The following SNX29 variants were observed in gnomAD, a reference collection of about 807,000 sequenced individuals.
SNX29 encodes sorting nexin-29.
In SNX29, 78 loss-of-function variants were observed where a neutral mutation model predicts 102.1. The observed-to-expected ratio is 0.76, with a 90% CI of 0.64 to 0.92. SNX29 has a LOEUF of 0.92. Among genes scored for constraint, SNX29 ranks in the 40% least tolerant of loss-of-function variants. The pLI, the probability that SNX29 is intolerant of heterozygous loss-of-function variation, is 0.00. For synonymous variants in SNX29, 580 were observed against 414.5 expected (o/e 1.40, Z -4.85); for missense variants, 1,280 against 1,061.7 (o/e 1.21, Z -2.86).
chr16:12,121,116 G>C (rs557748188), intron 11 of SNX29, among the ~76,000 whole-genome samples: 1 of 152,184 alleles, frequency 6.6e-6, no homozygotes, highest in Admixed American at 6.5e-5. Context: ...CAGGTCTCAC[G>C]TGTGTTCTGT....
chr16:12,143,343 T>G (rs2054933818), intron 13 of SNX29, among the ~76,000 whole-genome samples: 2 of 152,150 alleles, frequency 1.3e-5, no homozygotes, highest in African/African-American at 4.8e-5. Context: ...CTCCAGGAGT[T>G]CCATTTTCGT....
At chr16:12,021,848 G>A (rs887862293) in intron 3 of SNX29, among the ~76,000 whole-genome samples, 6 of 151,334 alleles carry the variant, frequency 4.0e-5, no homozygotes, top group East Asian at 1.9e-4. Flanking sequence ...CCGAGATCAC[G>A]TCACTGCACT....
intron 18 of SNX29, among the ~76,000 whole-genome samples, chr16:12,449,838 G>A (rs2086225574): frequency 1.3e-5 from 2 of 152,190 alleles, no homozygotes; most frequent in African/African-American, 4.8e-5. Context: ...GACAGGGGCA[G>A]ACAACAGCTG....
Position 12,571,924 on chromosome 16 carries a change from G to A in SNX29, c.*3295G>A, listed in dbSNP as rs961895166. 21 of 1,062,044 alleles carry A rather than the reference G, an allele frequency of 2.0e-5. No homozygotes were observed. The highest frequency in any genetic ancestry group is 2.4e-5 in the Non-Finnish European group (21 of 877,292). 65.8% of individuals were successfully genotyped at this position (1,062,044 alleles called of 1,614,324 possible). A position where few individuals can be genotyped will look rare whatever the true frequency, so the allele number is the denominator to read the frequency against. On this transcript the variant is annotated 3_prime_UTR_variant, in exon 21 of 21. Transcript: ENST00000566228. ...TGCATTTCTCTACTGGCAGGCCCTG[G>A]TGAAGGAAGACACTTTCAGGGAAGA... is the stretch of plus-strand genomic sequence containing the variant.
intron 13 of SNX29, among the ~76,000 whole-genome samples, chr16:12,191,843 G>A (rs188856213): frequency 6.6e-6 from 1 of 152,200 alleles, no homozygotes; most frequent in East Asian, 1.9e-4. Context: ...CTATTCTGGG[G>A]GAGTCCTCAT....
chr16:12,375,236 G>T (rs1158195129), intron 16 of SNX29: 7 of 152,184 alleles, frequency 4.6e-5, no homozygotes, highest in Admixed American at 3.9e-4. Flanking sequence ...CATTGGGAAT[G>T]ATTTGACATT....
At chr16:12,380,549 A>C (rs1597155199) in intron 16 of SNX29, among the ~76,000 whole-genome samples, 1 of 81,290 alleles carries the variant, frequency 1.2e-5, no homozygotes, top group Non-Finnish European at 2.4e-5. Flanking sequence ...ACCACCCACC[A>C]TCCATCCATC....
chr16:12,210,279 C>T (rs1052550377), intron 14 of SNX29, among the ~76,000 whole-genome samples: 1 of 150,532 alleles, frequency 6.6e-6, no homozygotes, highest in African/African-American at 2.4e-5. Context: ...GAGGCTGGGG[C>T]TGGGGCTCCT....
intron 13 of SNX29, among the ~76,000 whole-genome samples, chr16:12,178,343 TAGC>T (rs2076307380): frequency 6.6e-6 from 1 of 152,118 alleles, no homozygotes; most frequent in Non-Finnish European, 1.5e-5. Flanking sequence ...TGTAAACTGT[TAGC>T]AGCCAGAAGA....
At chr16:12,463,467 A>G (rs896677642) in intron 18 of SNX29, among the ~76,000 whole-genome samples, 12 of 152,186 alleles carry the variant, frequency 7.9e-5, no homozygotes, top group African/African-American at 2.2e-4. Context: ...CAGGCAAAGA[A>G]AGCTTGTGCA....
At chr16:12,020,312 A>G (rs532576206) in intron 3 of SNX29, among the ~76,000 whole-genome samples, 56 of 151,886 alleles carry the variant, frequency 3.7e-4, no homozygotes, top group Admixed American at 2.2e-3. Context: ...TTTTGTAGAG[A>G]TAGGGTTTCA....
At chr16:12,262,844 A>G (rs527337609) in intron 14 of SNX29, among the ~76,000 whole-genome samples, 7 of 152,352 alleles carry the variant, frequency 4.6e-5, no homozygotes, top group Non-Finnish European at 7.3e-5. Flanking sequence ...TTGTGCAACC[A>G]TCACCACTGT....
At chr16:12,537,132 G>C (rs535420154) in intron 20 of SNX29, among the ~76,000 whole-genome samples, 2 of 152,294 alleles carry the variant, frequency 1.3e-5, no homozygotes, top group East Asian at 1.9e-4. Flanking sequence ...TGGTGAAATG[G>C]ATCTCAGAGG....
chr16:12,100,363 G>GT lies in SNX29; in HGVS notation c.1402+21449dup, dbSNP rs1248276994. On this transcript the variant is annotated intron_variant, in intron 11 of 20. Transcript: ENST00000566228. ...CCACCACCAGTTGTGACAGGCAAGT[G>GT]TCTGTGGACAGTGCCCAGCGTCCTC... Among the ~76,000 whole-genome samples the GT allele has an allele frequency of 4.6e-5, 7 of 152,180 alleles. 1 individual carries two copies. In the East Asian group the frequency reaches 9.6e-4, roughly 21 times the overall value.
At chr16:12,552,210 C>A (rs757221638) in intron 20 of SNX29, among the ~76,000 whole-genome samples, 2 of 152,162 alleles carry the variant, frequency 1.3e-5, no homozygotes, top group East Asian at 1.9e-4. Context: ...AGGGGAGGGC[C>A]GTGGAGTCAG....
intron 16 of SNX29, among the ~76,000 whole-genome samples, chr16:12,391,554 C>T (rs1302896859): frequency 6.6e-6 from 1 of 152,188 alleles, no homozygotes; most frequent in African/African-American, 2.4e-5. Context: ...ATACCTACCA[C>T]TTAGAGTCTA....
At chr16:12,483,136 T>TTTTTTG (rs2088045781) in intron 19 of SNX29, among the ~76,000 whole-genome samples, 1 of 124,972 alleles carries the variant, frequency 8.0e-6, no homozygotes, top group Non-Finnish European at 1.6e-5. Context: ...TTTTTTTTTT[T>TTTTTTG]TTTTTTTGGA....
intron 20 of SNX29, among the ~76,000 whole-genome samples, chr16:12,564,537 T>G (rs572280392): frequency 6.6e-6 from 1 of 152,162 alleles, no homozygotes; most frequent in African/African-American, 2.4e-5. Flanking sequence ...GAATATGGAG[T>G]TAAGGCCTTT....
rs545419860 is a variant in SNX29, at chr16:12,238,412, G to GC, written c.1678+38735dup. ...ATGATCTCGGCTCACTGCAGCCTCC[G>GC]CCCCCCGAGTTCAAGCGATTCTCCC... On this transcript the variant is annotated intron_variant, in intron 14 of 20. Transcript: ENST00000566228. Among the ~76,000 whole-genome samples the GC allele has an allele frequency of 6.7e-4, 102 of 151,466 alleles. 3 individuals carry two copies. In the South Asian group the frequency reaches 0.017, roughly 25 times the overall value.
Sources: gnomAD v4.1 joint callset for allele counts (sites outside exome capture counted in the v4.1 genomes callset) on GRCh38, gnomAD v4.1.1 for gene constraint, MANE v1.5 for transcripts, NCBI Gene and HGNC (gene_info 2026-07-23, HGNC 2026-07-21) for gene names.